The following EYS variants were observed in gnomAD, a reference collection of about 807,000 sequenced individuals.
EYS encodes the protein EGF-like photoreceptor maintenance factor, also known as protein eyes shut homolog.
A neutral mutation model predicts 282.1 loss-of-function variants in EYS; 250 were observed. That is an observed-to-expected ratio of 0.89 (90% CI 0.80 to 0.98). The LOEUF is 0.98. Ranked by LOEUF, EYS falls within the 50% of genes least tolerant of loss-of-function variation. The pLI is 0.00. For synonymous variants in EYS, 1,355 were observed against 1,282.9 expected, an observed-to-expected ratio of 1.06 and a Z score of -1.20; for missense variants, 4,016 against 3,709.0, an observed-to-expected ratio of 1.08 and a Z score of -2.15.
chr6:64,833,007 C>A (rs1765270613), intron 19 of EYS, among the ~76,000 whole-genome samples: 1 of 151,728 alleles, frequency 6.6e-6, no homozygotes. Context: ...ACCATTAGAC[C>A]CTGCCACATT....
intron 18 of EYS, among the ~76,000 whole-genome samples, chr6:64,896,689 A>T (rs547218996): frequency 4.1e-4 from 62 of 152,000 alleles, no homozygotes; most frequent in Non-Finnish European, 8.4e-4. Context: ...CCAGCAACCT[A>T]AGATCCACTG....
chr6:64,529,859 A>C (rs1218247557), intron 26 of EYS, among the ~76,000 whole-genome samples: 1 of 152,108 alleles, frequency 6.6e-6, no homozygotes, highest in South Asian at 2.1e-4. Context: ...TATGAAATGA[A>C]GATGGAGAAA....
At chr6:64,177,345 T>C (rs1437427305) in intron 31 of EYS, among the ~76,000 whole-genome samples, 2 of 151,460 alleles carry the variant, frequency 1.3e-5, no homozygotes, top group Admixed American at 6.6e-5. Flanking sequence ...TATATATATA[T>C]ATATTTTATT....
At chr6:64,631,807 T>C (rs1767792736) in intron 22 of EYS, 2 of 152,036 alleles carry the variant, frequency 1.3e-5, no homozygotes, top group Admixed American at 6.6e-5. Flanking sequence ...AAAACTGAAT[T>C]TTCATCCCCC....
chr6:63,807,431 T>G (rs1770934989), intron 36 of EYS, among the ~76,000 whole-genome samples: 1 of 152,224 alleles, frequency 6.6e-6, no homozygotes, highest in South Asian at 2.1e-4. Context: ...TATGTCTGTT[T>G]ATAATTGTGT....
At chr6:65,240,215 G>A (rs574441480) in intron 12 of EYS, among the ~76,000 whole-genome samples, 20 of 152,162 alleles carry the variant, frequency 1.3e-4, no homozygotes, top group Non-Finnish European at 2.4e-4. Flanking sequence ...TGATCCACCC[G>A]TCTTGGCCTC....
Position 63,737,036 on chromosome 6 carries a change from G to C in EYS, c.8072-10356C>G, listed in dbSNP as rs1312952118. 3.3e-5 allele frequency among the ~76,000 whole-genome samples: 5 copies of C among 151,598 alleles called. No individual in the cohort carries two copies. In the South Asian group the frequency reaches 6.2e-4, roughly 19 times the overall value. On this transcript the variant is annotated intron_variant, in intron 41 of 42. Coordinates refer to ENST00000503581, the MANE Select transcript of EYS (RefSeq NM_001142800.2). The stretch of plus-strand genomic sequence containing the variant: ...TATACAATCATGTCATCTGCAAACA[G>C]GGACAATTTGACTTCCTCTTTTCCT...
At chr6:65,499,941 T>C (rs544477051) in intron 2 of EYS, among the ~76,000 whole-genome samples, 2 of 152,020 alleles carry the variant, frequency 1.3e-5, no homozygotes, top group South Asian at 4.1e-4. Flanking sequence ...GTGAGGTACA[T>C]AGTCATGGCC....
chr6:63,848,371 T>C (rs1393349158), intron 36 of EYS, among the ~76,000 whole-genome samples: 1 of 152,066 alleles, frequency 6.6e-6, no homozygotes, highest in African/African-American at 2.4e-5. Flanking sequence ...AGGTTTTAAA[T>C]ATGCCACTTT....
chr6:63,776,706 A>G (rs1185275396), intron 40 of EYS, among the ~76,000 whole-genome samples: 1 of 152,152 alleles, frequency 6.6e-6, no homozygotes, highest in Non-Finnish European at 1.5e-5. Flanking sequence ...ATAAATATAT[A>G]TGGCTCTTAG....
At chr6:64,369,102 G>A (rs774487379) in intron 29 of EYS, among the ~76,000 whole-genome samples, 2 of 152,102 alleles carry the variant, frequency 1.3e-5, no homozygotes, top group Non-Finnish European at 2.9e-5. Context: ...AAAGGGTCTA[G>A]TTCCAATCTT....
chr6:64,233,883 C>A (rs1029103385), intron 30 of EYS, among the ~76,000 whole-genome samples: 3 of 152,202 alleles, frequency 2.0e-5, no homozygotes, highest in African/African-American at 4.8e-5. Flanking sequence ...AATCCCACAG[C>A]AAGCAGCCTG....
At chr6:65,425,974 G>T (rs891722824) in intron 5 of EYS, among the ~76,000 whole-genome samples, 1 of 152,008 alleles carries the variant, frequency 6.6e-6, no homozygotes, top group Non-Finnish European at 1.5e-5. Flanking sequence ...TCAAACAGAA[G>T]AATTCCATTT....
intron 5 of EYS, among the ~76,000 whole-genome samples, chr6:65,466,961 G>A (rs1317953775): frequency 6.6e-6 from 1 of 152,182 alleles, no homozygotes; most frequent in Non-Finnish European, 1.5e-5. Flanking sequence ...CCCAGCAGAT[G>A]CTATATGTAG....
intron 23 of EYS, among the ~76,000 whole-genome samples, chr6:64,617,768 T>C (rs1213063189): frequency 6.6e-6 from 1 of 152,172 alleles, no homozygotes; most frequent in Non-Finnish European, 1.5e-5. Context: ...TAAAATCACC[T>C]AGTTAAGTAT....
At position 64,821,764 on chromosome 6, in the gene EYS, T is replaced by C. The variant is rs1201635553; in HGVS notation, c.3165-41A>G. The stretch of plus-strand genomic sequence containing the variant: ...AGAATTACATTTTCAAATAAGTAGA[T>C]GTTAAAGCATAACTTCAAGGGAGTT... On this transcript the variant is annotated intron_variant, in intron 20 of 42. Coordinates refer to ENST00000503581, the MANE Select transcript of EYS (RefSeq NM_001142800.2). The C allele has an allele frequency of 5.1e-6, 6 of 1,169,036 alleles. 1 individual carries two copies. In the Admixed American group the frequency reaches 9.1e-5, roughly 18 times the overall value. The allele number at this position is 1,169,036 out of a possible 1,614,324, so 72.4% of individuals were successfully genotyped here. A position where few individuals can be genotyped will look rare whatever the true frequency, so the allele number is the denominator to read the frequency against.
At chr6:64,585,618 A>G (rs1766211356) in intron 26 of EYS, among the ~76,000 whole-genome samples, 1 of 152,082 alleles carries the variant, frequency 6.6e-6, no homozygotes, top group African/African-American at 2.4e-5. Context: ...ATCTTTCTCT[A>G]TGGACTCACA....
chr6:63,750,252 T>C (rs1049981998), intron 41 of EYS, among the ~76,000 whole-genome samples: 1 of 152,248 alleles, frequency 6.6e-6, no homozygotes, highest in Admixed American at 6.5e-5. Flanking sequence ...ATATCTGCAT[T>C]CGTTAGGGTT....
chr6:63,911,311 A>G (rs1195833055), intron 35 of EYS, among the ~76,000 whole-genome samples: 2 of 152,224 alleles, frequency 1.3e-5, no homozygotes. Context: ...CCAGAGGTAT[A>G]TATGTCTGCT....
Sources: allele counts gnomAD v4.1 joint callset (sites outside exome capture counted in the v4.1 genomes callset), GRCh38; gene constraint gnomAD v4.1.1; transcripts MANE v1.5; gene names NCBI Gene and HGNC (gene_info 2026-07-23, HGNC 2026-07-21).